Variants in DENND6A observed in about 807,000 individuals in gnomAD.
DENND6A encodes the protein DENN domain containing 6A, also known as protein DENND6A.
In DENND6A, 43 loss-of-function variants were observed where a neutral mutation model predicts 95.5. That is an observed-to-expected ratio of 0.45 (90% CI 0.35 to 0.58). The LOEUF is 0.58. Among genes scored for constraint, DENND6A ranks in the 20% least tolerant of loss-of-function variants. The probability of loss-of-function intolerance (pLI) is 0.00; values close to 1 mark genes in which losing one functional copy is unlikely to be tolerated. For missense variants in DENND6A, 574 were observed against 736.0 expected (o/e 0.78, Z 2.55); for synonymous variants, 257 against 260.4 (o/e 0.99, Z 0.13).
intron 18 of DENND6A, 42 bp from the exon 19 acceptor site, chr3:57,628,927 A>G (rs1159828103): frequency 6.4e-7 from 1 of 1,557,218 alleles, no homozygotes. Flanking sequence ...TCTCAAAATA[A>G]TATTCAAACC....
At chr3:57,664,155 T>C (rs1232458541) in intron 4 of DENND6A, among the ~76,000 whole-genome samples, 4 of 152,240 alleles carry the variant, frequency 2.6e-5, no homozygotes, top group African/African-American at 9.6e-5. Context: ...TACAAAATTC[T>C]ACCTACAATT....
chr3:57,691,841 A>G (rs2153417939), intron 1 of DENND6A, among the ~76,000 whole-genome samples: 1 of 152,296 alleles, frequency 6.6e-6, no homozygotes, highest in African/African-American at 2.4e-5. Context: ...ATACATAAGA[A>G]TGGAAAAGTT....
rs771772317 is a variant in DENND6A, at chr3:57,633,305, C to T, written c.1313G>A (p.Arg438His). 5.0e-6 allele frequency: 8 copies of T among 1,613,666 alleles called. No individual in the cohort carries two copies. In the Admixed American group the frequency reaches 8.3e-5, roughly 17 times the overall value. Residue 438 changes from arginine to histidine, a missense_variant, in exon 15 of 20, where the codon CGC becomes CAC. This residue lies in a region of DENND6A where 452 missense variants were observed against 630.9 expected (regional missense o/e 0.72). Transcript: ENST00000311128. ...ACTTTGTGTCAGTTCCAAAAAATAG[C>T]GTCGAAGAATAACACTTTGAGCCTC... ...PSEAQSVILR[R>H]YFLELTQSFI...
intron 17 of DENND6A, 64 bp downstream of exon 17, chr3:57,630,651 G>A: frequency 1.3e-6 from 2 of 1,558,842 alleles, no homozygotes; most frequent in South Asian, 1.2e-5. Context: ...CTTAAGTTTA[G>A]CTTTTTGTTT....
rs1034461490 is a variant in DENND6A at position 57,655,633 on chromosome 3, T to A, written c.818+2047A>T. 1.3e-5 allele frequency among the ~76,000 whole-genome samples: 2 copies of A among 152,168 alleles called. 1 individual carries two copies. On this transcript the variant is annotated intron_variant, in intron 9 of 19. Transcript: ENST00000311128. ...CACAAAATCATTAAAAATATTTTTT[T>A]AAATTACGTTCAGGCTATGTGTATA...
chr3:57,669,980 A>G (rs187747004), intron 3 of DENND6A, among the ~76,000 whole-genome samples: 240 of 148,542 alleles, frequency 1.6e-3, no homozygotes, highest in African/African-American at 5.8e-3. Flanking sequence ...CGATCGTGCC[A>G]CTGCACTCCA....
intron 9 of DENND6A, among the ~76,000 whole-genome samples, chr3:57,655,641 G>A (rs2071309831): frequency 6.6e-6 from 1 of 152,018 alleles, no homozygotes; most frequent in Non-Finnish European, 1.5e-5. Flanking sequence ...TTTAAATTAC[G>A]TTCAGGCTAT....
intron 15 of DENND6A, among the ~76,000 whole-genome samples, chr3:57,632,301 G>A (rs974437736): frequency 8.6e-5 from 13 of 151,990 alleles, no homozygotes; most frequent in Non-Finnish European, 1.3e-4. Context: ...TGGGATTACA[G>A]ACGTGAGCCA....
chr3:57,655,567 G>A (rs2071308012), intron 9 of DENND6A, among the ~76,000 whole-genome samples: 2 of 152,200 alleles, frequency 1.3e-5, no homozygotes, highest in East Asian at 1.9e-4. Flanking sequence ...ATGACCTCAA[G>A]GTAAGTCAAA....
chr3:57,650,403 T>A (rs2071179204), intron 9 of DENND6A, among the ~76,000 whole-genome samples: 1 of 144,536 alleles, frequency 6.9e-6, no homozygotes. Flanking sequence ...TGAGTGTGTA[T>A]ATATACATGC....
intron 1 of DENND6A, among the ~76,000 whole-genome samples, chr3:57,682,157 C>T (rs368467995): frequency 6.6e-5 from 10 of 151,838 alleles, no homozygotes; most frequent in African/African-American, 2.4e-4. Context: ...CTTTTTCTAA[C>T]ATAAATTATA....
At chr3:57,634,285 T>C (rs904821182) in intron 14 of DENND6A, among the ~76,000 whole-genome samples, 1 of 151,814 alleles carries the variant, frequency 6.6e-6, no homozygotes, top group Admixed American at 6.6e-5. Flanking sequence ...ACACAGAAAT[T>C]AGCCAGGCAT....
chr3:57,673,213 C>CAAAAAAAAAAAAAAAAAAAAAAAAAA (rs386396751), intron 1 of DENND6A, among the ~76,000 whole-genome samples: 3 of 70,692 alleles, frequency 4.2e-5, no homozygotes, highest in African/African-American at 1.4e-4. Flanking sequence ...CATTTCGTAT[C>CAAAAAAAAAAAAAAAAAAAAAAAAAA]AAAAAAAAAA....
At chr3:57,691,492 A>G (rs1242757609) in intron 1 of DENND6A, among the ~76,000 whole-genome samples, 1 of 152,180 alleles carries the variant, frequency 6.6e-6, no homozygotes, top group Admixed American at 6.5e-5. Context: ...CACAACTAAC[A>G]TAATGCCTGG....
intron 9 of DENND6A, among the ~76,000 whole-genome samples, chr3:57,656,899 T>C (rs185386137): frequency 1.3e-5 from 2 of 152,260 alleles, no homozygotes; most frequent in Admixed American, 1.3e-4. Flanking sequence ...TGGAGGCTGC[T>C]GTGAGCCAAG....
chr3:57,642,607 G>A (rs11710260), intron 11 of DENND6A, among the ~76,000 whole-genome samples: 64,481 of 151,698 alleles, frequency 0.43, 14,173 homozygotes, highest in East Asian at 0.55. Flanking sequence ...GATCATTAGA[G>A]CCATGTTAGT....
At chr3:57,631,807 C>T (rs1392418816) in intron 15 of DENND6A, among the ~76,000 whole-genome samples, 2 of 142,316 alleles carry the variant, frequency 1.4e-5, no homozygotes, top group Non-Finnish European at 3.0e-5. Context: ...ACTGCAAGCT[C>T]TGCCTCTTGG....
intron 12 of DENND6A, among the ~76,000 whole-genome samples, chr3:57,635,253 T>C (rs2070767665): frequency 6.6e-6 from 1 of 152,148 alleles, no homozygotes; most frequent in Non-Finnish European, 1.5e-5. Context: ...AAATTCAGCT[T>C]TTCCATTATA....
At chr3:57,664,720 C>T (rs2071499398) in intron 4 of DENND6A, among the ~76,000 whole-genome samples, 1 of 152,158 alleles carries the variant, frequency 6.6e-6, no homozygotes, top group African/African-American at 2.4e-5. Flanking sequence ...GTAATCCCAA[C>T]TACTCAGGAG....
Sources: gnomAD v4.1 joint callset for allele counts (sites outside exome capture counted in the v4.1 genomes callset) on GRCh38, gnomAD v4.1.1 for gene constraint, gnomAD v4.1.1 regional missense constraint, MANE v1.5 for transcripts, NCBI Gene and HGNC (gene_info 2026-07-23, HGNC 2026-07-21) for gene names.